Variants in PAMR1 observed in about 807,000 individuals in gnomAD.
PAMR1 encodes the protein inactive serine protease PAMR1.
Under a neutral mutation model 81.8 loss-of-function variants are expected in PAMR1, and 88 were observed. That is an observed-to-expected ratio of 1.08 (90% CI 0.91 to 1.28). The LOEUF (loss-of-function observed/expected upper bound fraction) is 1.28, where lower values mean the gene tolerates loss of function less well. Ranked by LOEUF, PAMR1 falls within the 50% of genes most tolerant of loss-of-function variation. PAMR1 has a pLI of 0.00. For missense variants in PAMR1, 935 were observed against 919.7 expected (o/e 1.02, Z -0.21); for synonymous variants, 336 against 345.3 (o/e 0.97, Z 0.30).
intron 6 of PAMR1, chr11:35,453,552 A>G (rs1856465401): frequency 6.6e-6 from 1 of 152,180 alleles, no homozygotes; most frequent in Non-Finnish European, 1.5e-5. Context: ...TGTGAATTCT[A>G]AGACTTGCCC....
intron 3 of PAMR1, among the ~76,000 whole-genome samples, chr11:35,491,777 T>C (rs1487779721): frequency 1.3e-5 from 2 of 152,230 alleles, no homozygotes; most frequent in Non-Finnish European, 1.5e-5. Flanking sequence ...GCTTCTGGAA[T>C]GCATAAAGCA....
chr11:35,500,557 T>A (rs1170563156), intron 1 of PAMR1, among the ~76,000 whole-genome samples: 1 of 152,188 alleles, frequency 6.6e-6, no homozygotes, highest in Non-Finnish European at 1.5e-5. Flanking sequence ...TAAGAATGAA[T>A]GAGTGGTCAT....
intron 10 of PAMR1, among the ~76,000 whole-genome samples, chr11:35,433,757 TGGATGGATGGATAGAC>T (rs1362897376): frequency 2.3e-4 from 34 of 148,424 alleles, no homozygotes; most frequent in South Asian, 4.2e-4. Flanking sequence ...GATGGATGGA[TGGATGGATGGATAGAC>T]GGATGGATGG....
intron 6 of PAMR1, among the ~76,000 whole-genome samples, chr11:35,442,328 G>A (rs552999836): frequency 7.2e-5 from 11 of 152,256 alleles, no homozygotes; most frequent in Non-Finnish European, 1.3e-4. Flanking sequence ...CATTACAGAG[G>A]TATTTCTATT....
At chr11:35,500,007 T>C (rs1850801120) in intron 1 of PAMR1, among the ~76,000 whole-genome samples, 1 of 152,198 alleles carries the variant, frequency 6.6e-6, no homozygotes, top group African/African-American at 2.4e-5. Context: ...GAAGATGGAC[T>C]GTAGAACCAC....
At chr11:35,487,646 G>A (rs1850535481) in intron 3 of PAMR1, among the ~76,000 whole-genome samples, 3 of 152,092 alleles carry the variant, frequency 2.0e-5, no homozygotes, top group African/African-American at 4.8e-5. Context: ...CCAAACCTTT[G>A]GTACTTTCAA....
chr11:35,479,167 T>A (rs766860054), intron 3 of PAMR1, among the ~76,000 whole-genome samples: 2 of 152,160 alleles, frequency 1.3e-5, no homozygotes, highest in Non-Finnish European at 1.5e-5. Context: ...TGGGTTTTGT[T>A]TTTCTTTACT....
At chr11:35,527,884 C>T (rs986844481), upstream of PAMR1, among the ~76,000 whole-genome samples, 1 of 152,110 alleles carries the variant, frequency 6.6e-6, no homozygotes, top group African/African-American at 2.4e-5. Context: ...CACCAGGGCC[C>T]ACCAACATCT....
chr11:35,441,601 C>T lies in PAMR1; in HGVS notation c.913G>A (p.Ala305Thr), dbSNP rs16927482. 6.3e-4 allele frequency: 1,014 copies of T among 1,614,006 alleles called. 7 individuals are homozygous for T. The African/African-American group carries it at 0.012, about 19-fold the overall frequency. The change falls in exon 7 of 11, where the codon GCT (alanine) becomes ACT (threonine). Residue 305 changes from alanine to threonine, a missense_variant. Transcript: ENST00000619888. ...AAAGACACCACGGTGCCAATTTTAG[C>T]ATGGCGTCCGTTGATAAGCCCAGGG... Reference protein sequence around the residue: ...GGPGLINGRHAKIGTVVSFFC... With the variant: ...GGPGLINGRHTKIGTVVSFFC...
At chr11:35,505,012 C>G (rs897456851) in intron 1 of PAMR1, among the ~76,000 whole-genome samples, 2 of 151,906 alleles carry the variant, frequency 1.3e-5, no homozygotes, top group African/African-American at 2.4e-5. Flanking sequence ...CCTCTTAATA[C>G]TATTTTTGCT....
intron 1 of PAMR1, among the ~76,000 whole-genome samples, chr11:35,494,874 T>C (rs185733506): frequency 1.2e-4 from 18 of 152,382 alleles, no homozygotes; most frequent in African/African-American, 4.3e-4. Context: ...GTTTCATCAA[T>C]ATATAATCTA....
intron 1 of PAMR1, among the ~76,000 whole-genome samples, chr11:35,507,384 C>T (rs1850984316): frequency 6.7e-6 from 1 of 149,804 alleles, no homozygotes; most frequent in African/African-American, 2.5e-5. Context: ...ATTCTTTCCT[C>T]TGTGTGATCC....
chr11:35,466,411 T>C (rs892096700), intron 6 of PAMR1, among the ~76,000 whole-genome samples: 3 of 152,176 alleles, frequency 2.0e-5, no homozygotes, highest in Admixed American at 6.5e-5. Flanking sequence ...ATGGTTTCCA[T>C]CTGCATTGTT....
At chr11:35,477,165 C>A (rs543476153) in intron 3 of PAMR1, among the ~76,000 whole-genome samples, 3 of 152,152 alleles carry the variant, frequency 2.0e-5, no homozygotes, top group Non-Finnish European at 4.4e-5. Context: ...ATAATACACA[C>A]GCCTATTTGA....
At chr11:35,495,186 CATTTTCATAGT>C (rs1850702939) in intron 1 of PAMR1, among the ~76,000 whole-genome samples, 1 of 152,180 alleles carries the variant, frequency 6.6e-6, no homozygotes, top group South Asian at 2.1e-4. Context: ...TTCAGCGTGC[CATTTTCATAGT>C]ACCTTCAAAG....
intron 1 of PAMR1, among the ~76,000 whole-genome samples, chr11:35,518,664 T>C (rs935834314): frequency 5.9e-5 from 9 of 151,460 alleles, no homozygotes; most frequent in African/African-American, 1.9e-4. Flanking sequence ...TACCATCCAG[T>C]GGAATTATAA....
At chr11:35,472,827 C>T (rs1442961791) in intron 4 of PAMR1, among the ~76,000 whole-genome samples, 2 of 152,120 alleles carry the variant, frequency 1.3e-5, no homozygotes, top group Non-Finnish European at 2.9e-5. Flanking sequence ...GATCTGAGGC[C>T]AGTGAGGGCA....
Position 35,468,041 on chromosome 11 carries a change from A to G in PAMR1, c.780T>C (p.Cys260=). ...GCCCAGTATAGCCTGCCAAGCAGGC[A>G]CACTTGTAAGATCCAGCCTTGTCAA... ...CVLDKAGSYK[C]ACLAGYTGQR... is the part of the protein sequence containing the mutation. The change falls in exon 6 of 11, where the codon TGT becomes TGC. Residue 260 remains cysteine, a synonymous_variant. Coordinates refer to ENST00000619888, the MANE Select transcript of PAMR1 (RefSeq NM_001001991.3). 6.4e-7 allele frequency: 1 copy of G among 1,562,940 alleles called. No individual in the cohort carries two copies. The highest frequency in any genetic ancestry group is 2.3e-5 in the East Asian group (1 of 42,570).
At chr11:35,524,863 G>A (rs1302406815) in intron 1 of PAMR1, among the ~76,000 whole-genome samples, 3 of 152,128 alleles carry the variant, frequency 2.0e-5, no homozygotes, top group Admixed American at 6.5e-5. Flanking sequence ...AACCAAAGAA[G>A]CCAGAGCTCT....
Sources: allele counts gnomAD v4.1 joint callset (sites outside exome capture counted in the v4.1 genomes callset), GRCh38; gene constraint gnomAD v4.1.1; transcripts MANE v1.5; gene names NCBI Gene and HGNC (gene_info 2026-07-23, HGNC 2026-07-21).